AGMO: variants seen among roughly 807,000 people sequenced by gnomAD.
The protein encoded by AGMO is glyceryl-ether monooxygenase.
Under a neutral mutation model 60.2 loss-of-function variants are expected in AGMO, and 75 were observed. The observed-to-expected ratio is 1.25, with a 90% CI of 1.03 to 1.51. The LOEUF (loss-of-function observed/expected upper bound fraction) is 1.51. AGMO is among the 40% of genes most tolerant of loss of function. AGMO has a pLI of 0.00. For missense variants in AGMO, 763 were observed against 525.5 expected (o/e 1.45, Z -4.42); for synonymous variants, 261 against 177.1 (o/e 1.47, Z -3.76).
At chr7:15,393,015 A>G (rs1355860999) in intron 6 of AGMO, among the ~76,000 whole-genome samples, 1 of 152,256 alleles carries the variant, frequency 6.6e-6, no homozygotes, top group African/African-American at 2.4e-5. Flanking sequence ...CAGAACGGCT[A>G]TATGGGTTCT....
intron 3 of AGMO, among the ~76,000 whole-genome samples, chr7:15,454,730 C>A (rs1409515868): frequency 6.6e-6 from 1 of 152,016 alleles, no homozygotes; most frequent in African/African-American, 2.4e-5. Context: ...TGATCACCAT[C>A]GTTTCAAAAG....
rs182591268 is a variant in AGMO at position 15,390,493 on chromosome 7, C to A, written c.822+178G>T. 2.6e-3 allele frequency among the ~76,000 whole-genome samples: 388 copies of A among 152,102 alleles called. 7 individuals carry two copies. Among genetic ancestry groups the A allele is most frequent in the Non-Finnish European group, 9.9e-4 (67 of 67,998 alleles). ...TTACTTGTTTTAAAATGTATTTTGC[C>A]TGATTTGATTCAAACTTTTGCTTGT... On this transcript the variant is annotated intron_variant, in intron 8 of 12. Transcript: ENST00000342526.
At chr7:15,500,699 C>G (rs1783360131) in intron 3 of AGMO, among the ~76,000 whole-genome samples, 1 of 151,878 alleles carries the variant, frequency 6.6e-6, no homozygotes, top group African/African-American at 2.4e-5. Flanking sequence ...CAGTTCAGCT[C>G]TGATTTGAGT....
At chr7:15,192,643 G>A in the AGMO span, among the ~76,000 whole-genome samples, 4 of 152,094 alleles carry the variant, frequency 2.6e-5, no homozygotes, top group African/African-American at 9.7e-5. Context: ...ACTCTCCACT[G>A]AGCTGATTAA....
intron 8 of AGMO, among the ~76,000 whole-genome samples, 188 bp from the exon 9 acceptor site, chr7:15,387,728 A>C (rs1715039860): frequency 6.6e-6 from 1 of 152,174 alleles, no homozygotes; most frequent in African/African-American, 2.4e-5. Flanking sequence ...TATACCATTA[A>C]GTGCGTTGTT....
At chr7:15,499,924 C>G (rs1364574516) in intron 3 of AGMO, among the ~76,000 whole-genome samples, 1 of 104,884 alleles carries the variant, frequency 9.5e-6, no homozygotes, top group African/African-American at 2.8e-5. Flanking sequence ...CACACACACA[C>G]ACACACACAT....
intron 5 of AGMO, 43 bp from the exon 6 acceptor site, chr7:15,394,222 A>T (rs1481415641): frequency 2.2e-6 from 3 of 1,345,916 alleles, no homozygotes; most frequent in Non-Finnish European, 3.2e-6. Flanking sequence ...AGTTATCATT[A>T]AATGTGTGTT....
chr7:15,496,551 A>AG (rs977488291), intron 3 of AGMO, among the ~76,000 whole-genome samples: 4 of 14,494 alleles, frequency 2.8e-4, no homozygotes, highest in Admixed American at 2.1e-3. Flanking sequence ...CTGAGGAATC[A>AG]AAAAAAAAAT....
chr7:15,370,686 G>GCTTTTGAGAGGTGC (rs60424486), intron 10 of AGMO, among the ~76,000 whole-genome samples: 12,968 of 152,070 alleles, frequency 0.085, 677 homozygotes, highest in Admixed American at 0.17. Flanking sequence ...TTGTATGTCT[G>GCTTTTGAGAGGTGC]CTTTTGAGAG....
At chr7:15,253,086 CA>C (rs1782987641) in intron 12 of AGMO, among the ~76,000 whole-genome samples, 1 of 152,128 alleles carries the variant, frequency 6.6e-6, no homozygotes, top group South Asian at 2.1e-4. Flanking sequence ...AACAAAGATT[CA>C]TTTGCTATTG....
At chr7:15,560,082 C>G in intron 2 of AGMO, 59 bp downstream of exon 2, 1 of 1,417,920 alleles carries the variant, frequency 7.1e-7, no homozygotes, top group Non-Finnish European at 9.4e-7. Flanking sequence ...GGTTCCTTTG[C>G]CCCTCATACT....
At chr7:15,379,512 C>T (rs967931452) in intron 10 of AGMO, among the ~76,000 whole-genome samples, 1 of 151,568 alleles carries the variant, frequency 6.6e-6, no homozygotes, top group East Asian at 1.9e-4. Context: ...AAAATCTAGA[C>T]GAATTTCCTG....
chr7:15,556,219 G>GTTT lies in AGMO; in HGVS notation c.257+3919_257+3921dup, dbSNP rs71004394. Among the ~76,000 whole-genome samples the GTTT allele has an allele frequency of 8.1e-3, 740 of 91,354 alleles. 16 individuals are homozygous for GTTT. The highest frequency in any genetic ancestry group is 0.025 in the African/African-American group (644 of 25,954). The allele number at this position is 91,354 out of a possible 152,430, so 59.9% of individuals were successfully genotyped here. On this transcript the variant is annotated intron_variant, in intron 2 of 12. Transcript: ENST00000342526. ...AAGAAGTTTAATTTCCTCCTTTTTA[G>GTTT]TTTTTTTTTTTTTTTTTTTTTTTGA...
chr7:15,263,623 T>G (rs1372974198), intron 12 of AGMO, among the ~76,000 whole-genome samples: 16 of 152,120 alleles, frequency 1.1e-4, no homozygotes. Context: ...TGCACATGAA[T>G]GTTTATAGCA....
intron 12 of AGMO, among the ~76,000 whole-genome samples, chr7:15,288,734 T>C (rs1015109459): frequency 1.4e-5 from 2 of 147,006 alleles, no homozygotes; most frequent in Non-Finnish European, 3.0e-5. Flanking sequence ...GAATGTGTTA[T>C]AGCAATAGAT....
intron 3 of AGMO, among the ~76,000 whole-genome samples, chr7:15,435,108 T>C (rs1781363549): frequency 2.0e-5 from 3 of 152,162 alleles, no homozygotes; most frequent in African/African-American, 7.2e-5. Flanking sequence ...TTTGTTTTTA[T>C]CTATTCATGA....
At chr7:15,284,630 T>C (rs944114384) in intron 12 of AGMO, among the ~76,000 whole-genome samples, 2 of 152,066 alleles carry the variant, frequency 1.3e-5, no homozygotes, top group African/African-American at 2.4e-5. Context: ...CACAGCTAAA[T>C]TCCACCAGAC....
intron 2 of AGMO, among the ~76,000 whole-genome samples, chr7:15,545,517 T>C (rs1181673801): frequency 6.6e-6 from 1 of 151,836 alleles, no homozygotes; most frequent in Non-Finnish European, 1.5e-5. Context: ...TATATTATAC[T>C]TATCATCAGG....
intron 2 of AGMO, among the ~76,000 whole-genome samples, chr7:15,556,882 G>T (rs1785158203): frequency 6.6e-6 from 1 of 152,030 alleles, no homozygotes; most frequent in Non-Finnish European, 1.5e-5. Flanking sequence ...TGACTAGGAA[G>T]TCTGCCTACT....
Sources: allele counts gnomAD v4.1 joint callset (sites outside exome capture counted in the v4.1 genomes callset), GRCh38; gene constraint gnomAD v4.1.1; transcripts MANE v1.5; gene names NCBI Gene and HGNC (gene_info 2026-07-23, HGNC 2026-07-21).